Variants in ROBO2 observed in about 807,000 individuals in gnomAD.
ROBO2 encodes the protein roundabout homolog 2.
In ROBO2, 53 loss-of-function variants were observed where a neutral mutation model predicts 160.8. The ratio of observed to expected loss-of-function variants is 0.33; its 90% confidence interval spans 0.26 to 0.41. ROBO2 has a LOEUF of 0.41. ROBO2 is among the 10% of genes least tolerant of loss of function. The pLI is 1.00. For synonymous variants in ROBO2, 664 were observed against 611.7 expected (o/e 1.09, Z -1.26); for missense variants, 1,577 against 1,722.4 (o/e 0.92, Z 1.49).
intron 2 of ROBO2, among the ~76,000 whole-genome samples, chr3:76,526,997 GA>G (rs2081982207): frequency 6.6e-6 from 1 of 151,988 alleles, no homozygotes; most frequent in Non-Finnish European, 1.5e-5. Flanking sequence ...CCAGCTGGGA[GA>G]AAAATGCCTG....
At chr3:75,999,869 C>T (rs2065833655) in intron 2 of ROBO2, among the ~76,000 whole-genome samples, 1 of 152,174 alleles carries the variant, frequency 6.6e-6, no homozygotes, top group African/African-American at 2.4e-5. Context: ...TGTTGATACT[C>T]TAGCCATTTT....
At chr3:76,207,078 T>C (rs149729935) in intron 2 of ROBO2, among the ~76,000 whole-genome samples, 8 of 152,286 alleles carry the variant, frequency 5.3e-5, no homozygotes, top group African/African-American at 1.9e-4. Context: ...GCTCACAAAC[T>C]CTATCAGAAG....
chr3:76,589,652 G>A (rs966200041), intron 2 of ROBO2, among the ~76,000 whole-genome samples: 1 of 151,918 alleles, frequency 6.6e-6, no homozygotes, highest in Admixed American at 6.6e-5. Context: ...AGATATTTAG[G>A]GCTATACTAC....
intron 2 of ROBO2, among the ~76,000 whole-genome samples, chr3:77,154,783 C>G (rs2077849092): frequency 6.6e-6 from 1 of 151,960 alleles, no homozygotes; most frequent in Non-Finnish European, 1.5e-5. Flanking sequence ...CCAAATACTC[C>G]ATGTTCTGGT....
chr3:76,307,641 C>G (rs890682804), intron 2 of ROBO2, among the ~76,000 whole-genome samples: 5 of 151,980 alleles, frequency 3.3e-5, no homozygotes, highest in African/African-American at 4.8e-5. Flanking sequence ...TGCTTAAGCC[C>G]TTTCCAGTTT....
rs183370347 is a variant in ROBO2, at chr3:77,606,807, G to A, written c.3137-991G>A. Among the ~76,000 whole-genome samples the A allele has an allele frequency of 2.4e-4, 37 of 152,290 alleles. 1 individual carries two copies. In the East Asian group the frequency reaches 6.2e-3, roughly 25 times the overall value. ...CAACTTGCGGTTCCAGAAAGATGAA[G>A]TCGAAAGAATCAGTAAGATTTTTGG... On this transcript the variant is annotated intron_variant, in intron 20 of 25. Transcript: ENST00000461745.
chr3:76,428,408 T>C (rs1265106565), intron 2 of ROBO2, among the ~76,000 whole-genome samples: 2 of 152,206 alleles, frequency 1.3e-5, no homozygotes. Context: ...TTAAGAATTC[T>C]ATATGAAAGA....
intron 1 of ROBO2, among the ~76,000 whole-genome samples, chr3:77,053,751 C>G (rs559314538): frequency 6.6e-5 from 10 of 152,174 alleles, no homozygotes; most frequent in Non-Finnish European, 1.3e-4. Flanking sequence ...AAAACTAATG[C>G]TTTATTTGGT....
chr3:77,336,802 A>G (rs938604887), intron 2 of ROBO2, among the ~76,000 whole-genome samples: 1 of 152,296 alleles, frequency 6.6e-6, no homozygotes, highest in East Asian at 1.9e-4. Context: ...TTTGCAAACA[A>G]ACACTTGTGA....
intron 6 of ROBO2, 51 bp from the exon 8 acceptor site, chr3:77,546,287 T>G: frequency 1.2e-6 from 2 of 1,600,270 alleles, no homozygotes; most frequent in South Asian, 2.2e-5. Context: ...TGACATATTT[T>G]TATTTGTCTA....
intron 6 of ROBO2, among the ~76,000 whole-genome samples, chr3:77,530,181 G>C (rs577004781): frequency 2.0e-5 from 3 of 152,048 alleles, no homozygotes; most frequent in Admixed American, 1.3e-4. Flanking sequence ...ACAGCTTGTA[G>C]TTCCAATATA....
At chr3:76,555,425 G>GAAGAAGAAGAAGAAGAAGAAGAA (rs1399867100) in intron 2 of ROBO2, among the ~76,000 whole-genome samples, 990 of 68,326 alleles carry the variant, frequency 0.014, 43 homozygotes, top group Middle Eastern at 0.024. Flanking sequence ...AAGAAAGAAG[G>GAAGAAGAAGAAGAAGAAGAAGAA]AGAAGGGGAA....
intron 2 of ROBO2, among the ~76,000 whole-genome samples, chr3:76,312,754 C>G (rs1218519654): frequency 6.6e-6 from 1 of 152,168 alleles, no homozygotes; most frequent in African/African-American, 2.4e-5. Context: ...TGGTCAGTAC[C>G]TATAGCATGT....
At chr3:77,409,092 C>T (rs1581712435) in intron 2 of ROBO2, among the ~76,000 whole-genome samples, 1 of 128,018 alleles carries the variant, frequency 7.8e-6, no homozygotes, top group Non-Finnish European at 1.7e-5. Context: ...GAAATACATA[C>T]ATATATATAT....
intron 2 of ROBO2, among the ~76,000 whole-genome samples, chr3:76,400,756 C>T (rs1437273032): frequency 6.6e-6 from 1 of 151,394 alleles, no homozygotes; most frequent in Non-Finnish European, 1.5e-5. Context: ...ACCAAGTTCA[C>T]TAGGTGTATT....
intron 2 of ROBO2, among the ~76,000 whole-genome samples, chr3:76,192,520 T>C (rs1702056742): frequency 7.9e-6 from 1 of 125,834 alleles, no homozygotes. Context: ...CGTCCAACAC[T>C]CCACCACACA....
intron 2 of ROBO2, among the ~76,000 whole-genome samples, chr3:76,575,897 T>C (rs1402957332): frequency 6.6e-6 from 1 of 151,034 alleles, no homozygotes; most frequent in African/African-American, 2.4e-5. Context: ...CTCATTTTGC[T>C]TAGAATATGC....
intron 2 of ROBO2, among the ~76,000 whole-genome samples, chr3:76,654,270 A>G (rs2091389860): frequency 6.6e-6 from 1 of 152,298 alleles, no homozygotes; most frequent in Middle Eastern, 3.4e-3. Context: ...TTTTGGGTTG[A>G]GTTTTACATT....
At chr3:77,209,708 T>C (rs1395563124) in intron 2 of ROBO2, among the ~76,000 whole-genome samples, 1 of 152,192 alleles carries the variant, frequency 6.6e-6, no homozygotes, top group African/African-American at 2.4e-5. Flanking sequence ...GTGGAGTTAG[T>C]TTCCTAATCT....
Sources: allele counts gnomAD v4.1 joint callset (sites outside exome capture counted in the v4.1 genomes callset), GRCh38; gene constraint gnomAD v4.1.1; transcripts MANE v1.5; gene names NCBI Gene and HGNC (gene_info 2026-07-23, HGNC 2026-07-21).